The following CANX variants were observed in gnomAD, a reference collection of about 807,000 sequenced individuals.
CANX encodes epididymis secretory sperm binding protein.
Under a neutral mutation model 75.7 loss-of-function variants are expected in CANX, and 14 were observed. The ratio of observed to expected loss-of-function variants is 0.19; its 90% confidence interval spans 0.12 to 0.29. CANX has a LOEUF of 0.29. CANX is among the 10% of genes least tolerant of loss of function. The pLI is 1.00. For synonymous variants in CANX, 227 were observed against 236.9 expected (o/e 0.96, Z 0.38); for missense variants, 567 against 713.2 (o/e 0.79, Z 2.34).
chr5:179,698,819 T>G (rs1776514902), upstream of CANX: 1 of 735,766 alleles, frequency 1.4e-6, no homozygotes, highest in African/African-American at 1.8e-5. Flanking sequence ...AGGGGGCGTA[T>G]GGGACGGTGC....
rs972024241 is a variant in CANX, at chr5:179,731,441, ATAGTT to A, written c.*2803_*2807del. On this transcript the variant is annotated 3_prime_UTR_variant, in exon 15 of 15. Coordinates refer to ENST00000247461, the MANE Select transcript of CANX (RefSeq NM_001746.4). ...TAGTTACTATTTTTTCTATTAAGAA[ATAGTT>A]TAGTTCTGGTGTAAAATTTGTTTGA... 2.0e-5 allele frequency among the ~76,000 whole-genome samples: 3 copies of A among 152,000 alleles called. No homozygotes were observed. The highest frequency in any genetic ancestry group is 7.3e-5 in the African/African-American group (3 of 41,378).
Position 179,715,915 on chromosome 5 carries a change from T to C in CANX, c.722-190T>C, listed in dbSNP as rs1412934662. Reference sequence around the variant, plus strand: ...AATTCTTAGAAAGCCGAGGGACTAATCATTTATGTTTCGTGCATAAGGAAA... The same window carrying C: ...AATTCTTAGAAAGCCGAGGGACTAACCATTTATGTTTCGTGCATAAGGAAA... On this transcript the variant is annotated intron_variant, in intron 7 of 14. Coordinates refer to ENST00000247461, the MANE Select transcript of CANX (RefSeq NM_001746.4). 6 of 675,290 alleles carry C rather than the reference T, an allele frequency of 8.9e-6. No individual in the cohort carries two copies. In the East Asian group the frequency reaches 1.7e-4, roughly 19 times the overall value. 41.8% of individuals were successfully genotyped at this position (675,290 alleles called of 1,614,324 possible). A position where few individuals can be genotyped will look rare whatever the true frequency, so the allele number is the denominator to read the frequency against.
chr5:179,685,906 G>C (rs1376466150), intron 1 of CANX, among the ~76,000 whole-genome samples: 2 of 151,936 alleles, frequency 1.3e-5, no homozygotes, highest in Non-Finnish European at 2.9e-5. Context: ...TGCCAGGCTA[G>C]TCTCAAACTC....
chr5:179,698,490 G>A (rs955741275), upstream of CANX: 3 of 1,289,188 alleles, frequency 2.3e-6, no homozygotes, highest in African/African-American at 1.5e-5. Flanking sequence ...TCGCTGCAAC[G>A]GGCCCTTCCT....
chr5:179,695,795 C>T (rs892658216), upstream of CANX, among the ~76,000 whole-genome samples: 4 of 151,662 alleles, frequency 2.6e-5, no homozygotes, highest in Non-Finnish European at 4.4e-5. Flanking sequence ...GGACTACAGG[C>T]GCCCGCCACT....
At chr5:179,684,019 G>A (rs1380723898) in intron 1 of CANX, among the ~76,000 whole-genome samples, 3 of 152,026 alleles carry the variant, frequency 2.0e-5, no homozygotes, top group Non-Finnish European at 4.4e-5. Flanking sequence ...TCCAGTTTGG[G>A]GGCTATTGCA....
chr5:179,710,117 A>AT (rs1777435225), intron 7 of CANX, 52 bp downstream of exon 7: 1 of 1,106,336 alleles, frequency 9.0e-7, no homozygotes, highest in Non-Finnish European at 1.3e-6. Context: ...TATATCATCC[A>AT]TTTAATTTAA....
chr5:179,695,235 T>C, upstream of CANX, among the ~76,000 whole-genome samples: 1 of 151,966 alleles, frequency 6.6e-6, no homozygotes. Context: ...GTGTGTGGTT[T>C]TTTTTAGTAG....
chr5:179,679,506 G>C (rs73338109), intron 1 of CANX, among the ~76,000 whole-genome samples: 3,779 of 152,262 alleles, frequency 0.025, 153 homozygotes, highest in African/African-American at 0.083. Flanking sequence ...CGGGAGGAGG[G>C]CCTTGTTCTG....
In CANX at chr5:179,723,787, GT is replaced by G. The variant is rs375008394; in HGVS notation, c.1518+19del. The G allele has an allele frequency of 4.3e-3, 5,588 of 1,289,848 alleles. No homozygotes were observed. The highest frequency in any genetic ancestry group is 4.9e-3 in the South Asian group (336 of 68,604). The allele number at this position is 1,289,848 out of a possible 1,614,324, so 79.9% of individuals were successfully genotyped here. A position where few individuals can be genotyped will look rare whatever the true frequency, so the allele number is the denominator to read the frequency against. ...TTCTGCTGTTCTGGAAAGGTAGGAA[GT>G]TTTTTTTTTTAGAATCAATTTTAGA... On this transcript the variant is annotated intron_variant, in intron 12 of 14. Transcript: ENST00000247461.
intron 2 of CANX, 95 bp from the exon 3 acceptor site, chr5:179,706,163 G>A (rs1273360015): frequency 1.4e-6 from 1 of 732,654 alleles, no homozygotes; most frequent in South Asian, 1.8e-5. Flanking sequence ...TGAAATTTTT[G>A]TGACAGTTGA....
intron 1 of CANX, among the ~76,000 whole-genome samples, chr5:179,684,272 G>A (rs529804698): frequency 3.3e-5 from 5 of 152,122 alleles, no homozygotes; most frequent in Admixed American, 2.0e-4. Flanking sequence ...TTTTTGAGAC[G>A]GGGTCTTACC....
At chr5:179,683,439 A>G (rs1562431333) in intron 1 of CANX, among the ~76,000 whole-genome samples, 1 of 149,686 alleles carries the variant, frequency 6.7e-6, no homozygotes, top group Non-Finnish European at 1.5e-5. Flanking sequence ...GGCCAACTAC[A>G]TATATTTATA....
At chr5:179,721,821 T>A (rs1315825556) in intron 10 of CANX, among the ~76,000 whole-genome samples, 1 of 152,112 alleles carries the variant, frequency 6.6e-6, no homozygotes, top group East Asian at 1.9e-4. Flanking sequence ...AATACTAATA[T>A]ATGTATATAC....
At chr5:179,717,433 C>T (rs1778033341) in intron 8 of CANX, among the ~76,000 whole-genome samples, 2 of 152,208 alleles carry the variant, frequency 1.3e-5, no homozygotes, top group African/African-American at 4.8e-5. Context: ...CATTTGTCCA[C>T]TTTGTATATT....
upstream of CANX, among the ~76,000 whole-genome samples, chr5:179,693,542 C>T (rs767239000): frequency 6.6e-6 from 1 of 152,026 alleles, no homozygotes; most frequent in Non-Finnish European, 1.5e-5. Flanking sequence ...GGTGAGGTGG[C>T]ACATGCCTGT....
In CANX at chr5:179,709,998, T is replaced by A; in HGVS notation, c.654T>A (p.His218Gln). 1 of 1,613,248 alleles carries A rather than the reference T, an allele frequency of 6.2e-7. No homozygotes were observed. The highest frequency in any genetic ancestry group is 2.2e-5 in the East Asian group (1 of 44,852). ...AAACGGGTATCTATGAAGAAAAACA[T>A]GCTAAGAGGCCAGATGCAGATCTGA... ...NPKTGIYEEK[H>Q]AKRPDADLKT... The change falls in exon 7 of 15, where the codon CAT (histidine) becomes CAA (glutamine). Residue 218 changes from histidine to glutamine, a missense_variant. His to Gln is a conservative substitution (Grantham distance 24). Around this residue, in one of 3 missense-constraint regions of CANX, gnomAD observed 351 missense variants for 433.8 expected, o/e 0.81. Transcript: ENST00000247461.
At chr5:179,695,146 T>C (rs1776370645), upstream of CANX, among the ~76,000 whole-genome samples, 1 of 151,726 alleles carries the variant, frequency 6.6e-6, no homozygotes, top group South Asian at 2.1e-4. Context: ...GCCTCCCGGG[T>C]TCACGCCATT....
upstream of CANX, chr5:179,698,428 A>G (rs1776486858): frequency 3.9e-6 from 5 of 1,282,104 alleles, no homozygotes; most frequent in African/African-American, 3.0e-5. Context: ...GTGCACGCCA[A>G]TCCGGCCAGG....
Sources: allele counts gnomAD v4.1 joint callset (sites outside exome capture counted in the v4.1 genomes callset), GRCh38; gene constraint gnomAD v4.1.1; regional missense constraint gnomAD v4.1.1; transcripts MANE v1.5; gene names NCBI Gene and HGNC (gene_info 2026-07-23, HGNC 2026-07-21).